PLXDC2: variants seen among roughly 807,000 people sequenced by gnomAD.
PLXDC2 encodes the protein plexin domain-containing protein 2.
In PLXDC2, 40 loss-of-function variants were observed where a neutral mutation model predicts 68.9. That is an observed-to-expected ratio of 0.58 (90% CI 0.45 to 0.76). PLXDC2 has a LOEUF of 0.76. PLXDC2 is among the 30% of genes least tolerant of loss of function. PLXDC2 has a pLI of 0.00. For synonymous variants in PLXDC2, 243 were observed against 234.2 expected (o/e 1.04, Z -0.34); for missense variants, 644 against 661.9 (o/e 0.97, Z 0.30).
chr10:20,217,361 G>A (rs1835151113), intron 10 of PLXDC2, 65 bp from the exon 11 acceptor site: 1 of 1,430,626 alleles, frequency 7.0e-7, no homozygotes, highest in Non-Finnish European at 9.4e-7. Context: ...CAGCTTCTTT[G>A]ATGTAAGTTC....
intron 3 of PLXDC2, among the ~76,000 whole-genome samples, chr10:20,051,262 G>C (rs1432224348): frequency 6.6e-6 from 1 of 151,662 alleles, no homozygotes; most frequent in Non-Finnish European, 1.5e-5. Flanking sequence ...AGGCAGAGGA[G>C]CAGAAAAGGT....
intron 9 of PLXDC2, among the ~76,000 whole-genome samples, chr10:20,194,787 T>A (rs1284418213): frequency 2.0e-4 from 17 of 86,272 alleles, no homozygotes; most frequent in Non-Finnish European, 3.2e-4. Flanking sequence ...CCCTCCCCCC[T>A]CCCCCCACCC....
intron 2 of PLXDC2, among the ~76,000 whole-genome samples, chr10:20,035,483 G>A (rs1835561925): frequency 6.6e-6 from 1 of 152,042 alleles, no homozygotes; most frequent in Non-Finnish European, 1.5e-5. Flanking sequence ...GATCACTTGA[G>A]GTCGGGAGTT....
intron 1 of PLXDC2, among the ~76,000 whole-genome samples, chr10:19,838,155 G>C (rs747425909): frequency 6.6e-6 from 1 of 152,008 alleles, no homozygotes; most frequent in Non-Finnish European, 1.5e-5. Context: ...TAAAGACAGG[G>C]TCTTGCTATG....
chr10:20,232,586 C>T (rs1482534353), intron 12 of PLXDC2, among the ~76,000 whole-genome samples: 1 of 152,088 alleles, frequency 6.6e-6, no homozygotes, highest in Non-Finnish European at 1.5e-5. Flanking sequence ...AAAACAGATG[C>T]GTCCTAAAAC....
intron 2 of PLXDC2, among the ~76,000 whole-genome samples, chr10:20,043,937 G>C (rs1413412370): frequency 6.6e-6 from 1 of 152,066 alleles, no homozygotes; most frequent in Non-Finnish European, 1.5e-5. Flanking sequence ...TTGGTTGCAA[G>C]TAAAAAGACC....
chr10:19,982,858 T>C lies in PLXDC2; in HGVS notation c.113-18917T>C, dbSNP rs191824047. ...TATTACTGAGGGGACATTGAATCAT[T>C]ATGCAATTGCCTCTTTATTGAACAA... is the stretch of plus-strand genomic sequence containing the variant. On this transcript the variant is annotated intron_variant, in intron 1 of 13. Coordinates refer to ENST00000377252, the MANE Select transcript of PLXDC2 (RefSeq NM_032812.9). 7.7e-4 allele frequency among the ~76,000 whole-genome samples: 118 copies of C among 152,312 alleles called. 1 individual carries two copies. Among genetic ancestry groups the C allele is most frequent in the African/African-American group, 2.8e-3 (116 of 41,574 alleles).
At chr10:20,210,624 G>C (rs908048872) in intron 9 of PLXDC2, among the ~76,000 whole-genome samples, 2 of 152,180 alleles carry the variant, frequency 1.3e-5, no homozygotes, top group South Asian at 4.2e-4. Context: ...GAAGATACTC[G>C]GGTTCCATGA....
At chr10:20,042,232 G>C (rs773948825) in intron 2 of PLXDC2, among the ~76,000 whole-genome samples, 5 of 151,972 alleles carry the variant, frequency 3.3e-5, no homozygotes, top group Admixed American at 6.6e-5. Flanking sequence ...TTATTTCATC[G>C]TGTCCTTTTG....
intron 3 of PLXDC2, among the ~76,000 whole-genome samples, chr10:20,048,915 A>G (rs1156953945): frequency 6.6e-6 from 1 of 152,112 alleles, no homozygotes; most frequent in Admixed American, 6.6e-5. Context: ...TGTGGCAGTG[A>G]CGTTGTTGCT....
At chr10:20,131,543 G>T (rs1361696438) in intron 4 of PLXDC2, among the ~76,000 whole-genome samples, 2 of 151,958 alleles carry the variant, frequency 1.3e-5, no homozygotes, top group African/African-American at 4.8e-5. Flanking sequence ...GGAATTATGG[G>T]CACATGCCAC....
chr10:20,057,821 G>A (rs1836025518), intron 3 of PLXDC2, among the ~76,000 whole-genome samples: 1 of 151,884 alleles, frequency 6.6e-6, no homozygotes, highest in Admixed American at 6.6e-5. Context: ...TCATAAGGGA[G>A]CAACTCTCGG....
intron 12 of PLXDC2, among the ~76,000 whole-genome samples, chr10:20,243,521 A>G (rs1374683956): frequency 1.3e-5 from 2 of 152,216 alleles, no homozygotes; most frequent in Non-Finnish European, 2.9e-5. Flanking sequence ...CAAAGAGTAA[A>G]CAACAGCAAT....
intron 9 of PLXDC2, among the ~76,000 whole-genome samples, chr10:20,195,784 T>A (rs534043072): frequency 1.3e-5 from 2 of 152,100 alleles, no homozygotes; most frequent in East Asian, 3.9e-4. Flanking sequence ...CAGAGATGAG[T>A]TGATTCATTC....
At chr10:19,881,614 A>G (rs1459024868) in intron 1 of PLXDC2, among the ~76,000 whole-genome samples, 2 of 152,224 alleles carry the variant, frequency 1.3e-5, no homozygotes, top group Admixed American at 6.5e-5. Context: ...TTTTAACGGA[A>G]AGTTCCTACT....
chr10:19,938,270 T>C (rs946567569), intron 1 of PLXDC2, among the ~76,000 whole-genome samples: 1 of 152,184 alleles, frequency 6.6e-6, no homozygotes, highest in African/African-American at 2.4e-5. Context: ...TTCAGTGACC[T>C]GGTACCATAG....
At chr10:20,267,324 T>C (rs929626224) in intron 13 of PLXDC2, among the ~76,000 whole-genome samples, 1 of 152,166 alleles carries the variant, frequency 6.6e-6, no homozygotes, top group African/African-American at 2.4e-5. Context: ...TCTTATTTTA[T>C]ATATAAGAAC....
chr10:19,966,359 A>ACACATATATAAAAAATATATATGTG (rs1834252661), intron 1 of PLXDC2, among the ~76,000 whole-genome samples: 1 of 10,432 alleles, frequency 9.6e-5, no homozygotes, highest in South Asian at 3.2e-3. Flanking sequence ...ATGTATGTAT[A>ACACATATATAAAAAATATATATGTG]CACATATATA....
intron 1 of PLXDC2, among the ~76,000 whole-genome samples, chr10:19,951,402 A>G (rs762427022): frequency 5.3e-5 from 8 of 152,194 alleles, no homozygotes; most frequent in Non-Finnish European, 1.2e-4. Context: ...CATATGAAAA[A>G]AAATGCTCAT....
Sources: gnomAD v4.1 joint callset for allele counts (sites outside exome capture counted in the v4.1 genomes callset) on GRCh38, gnomAD v4.1.1 for gene constraint, MANE v1.5 for transcripts, NCBI Gene and HGNC (gene_info 2026-07-23, HGNC 2026-07-21) for gene names.